The following ADSS2 variants were observed in gnomAD, a reference collection of about 807,000 sequenced individuals.
ADSS2 encodes the protein adenylosuccinate synthetase isozyme 2.
ADSS2 carries 30 observed loss-of-function variants against 60.0 expected under a neutral mutation model. The observed-to-expected ratio is 0.50, with a 90% CI of 0.37 to 0.68. The LOEUF (loss-of-function observed/expected upper bound fraction) is 0.68, where lower values mean the gene tolerates loss of function less well. ADSS2 is among the 30% of genes least tolerant of loss of function. The pLI is 0.00. For missense variants in ADSS2, 373 were observed against 554.8 expected, an observed-to-expected ratio of 0.67 and a Z score of 3.29; for synonymous variants, 187 against 193.1, an observed-to-expected ratio of 0.97 and a Z score of 0.26.
At chr1:244,409,905 A>G (rs1314377073) in intron 12 of ADSS2, among the ~76,000 whole-genome samples, 1 of 152,212 alleles carries the variant, frequency 6.6e-6, no homozygotes, top group African/African-American at 2.4e-5. Context: ...ATAGTAAAAT[A>G]TTGACCAACA....
chr1:244,409,520 A>G lies in ADSS2; in HGVS notation c.*66T>C, dbSNP rs1664362945. On this transcript the variant is annotated 3_prime_UTR_variant, in exon 13 of 13. Coordinates refer to ENST00000366535, the MANE Select transcript of ADSS2 (RefSeq NM_001126.5). ...TTATTCTTGAATTTGCAGGTCATAA[A>G]TGAAATATTTAAGAAAGTCTTTTCC... 3 of 1,286,828 alleles carry G rather than the reference A, an allele frequency of 2.3e-6. No individual in the cohort carries two copies. The highest frequency in any genetic ancestry group is 3.3e-6 in the Non-Finnish European group (3 of 896,130). The allele number at this position is 1,286,828 out of a possible 1,614,324, so 79.7% of individuals were successfully genotyped here.
At chr1:244,421,788 G>A (rs938176655) in intron 7 of ADSS2, among the ~76,000 whole-genome samples, 1 of 152,068 alleles carries the variant, frequency 6.6e-6, no homozygotes, top group African/African-American at 2.4e-5. Context: ...AGACCAGCCT[G>A]GGCAACATGG....
At chr1:244,424,760 G>A (rs1305949600) in intron 4 of ADSS2, 10 of 194,270 alleles carry the variant, frequency 5.1e-5, no homozygotes, top group East Asian at 2.8e-4. Context: ...CACTAGTCTC[G>A]AGCTTCCATC....
chr1:244,424,517 T>C, intron 4 of ADSS2, 130 bp from the exon 5 acceptor site: 3 of 678,196 alleles, frequency 4.4e-6, no homozygotes, highest in Non-Finnish European at 7.5e-6. Flanking sequence ...AACACATTTT[T>C]AGAAGTGATG....
In ADSS2 at chr1:244,451,734, G is replaced by A. The variant is rs1665618114; in HGVS notation, c.84C>T (p.Asn28=). Reference sequence around the variant, plus strand: ...GCGCACCGAGCACCACCGTCACCCGGTTTCCTCCGGGCCGCGCCCTGGGGC... The same window carrying A: ...GCGCACCGAGCACCACCGTCACCCGATTTCCTCCGGGCCGCGCCCTGGGGC... ...CGRPRARPGG[N]RVTVVLGAQW... Residue 28 remains asparagine, a synonymous_variant, in exon 1 of 13, where the codon AAC becomes AAT. Transcript: ENST00000366535. The surrounding 1 kb of genome is among the most constrained non-coding windows in gnomAD (Gnocchi z 6.6). The A allele has an allele frequency of 1.9e-6, 3 of 1,607,990 alleles. No individual in the cohort carries two copies. Among genetic ancestry groups the A allele is most frequent in the Admixed American group, 1.7e-5 (1 of 59,374 alleles).
intron 2 of ADSS2, 103 bp downstream of exon 2, chr1:244,437,563 C>T: frequency 1.2e-6 from 1 of 808,922 alleles, no homozygotes; most frequent in Non-Finnish European, 2.1e-6. Flanking sequence ...GATCAATGAA[C>T]CATCTGGTCA....
chr1:244,409,509 G>A lies in ADSS2; in HGVS notation c.*77C>T, dbSNP rs1572125258. On this transcript the variant is annotated 3_prime_UTR_variant, in exon 13 of 13. Coordinates refer to ENST00000366535, the MANE Select transcript of ADSS2 (RefSeq NM_001126.5). ...CTTCAGTGTCTTTATTCTTGAATTTGCAGGTCATAAATGAAATATTTAAGA... is the reference window on the plus strand; with the variant it reads ...CTTCAGTGTCTTTATTCTTGAATTTACAGGTCATAAATGAAATATTTAAGA... 1.7e-6 allele frequency: 2 copies of A among 1,152,546 alleles called. No individual in the cohort carries two copies. The highest frequency in any genetic ancestry group is 4.8e-5 in the East Asian group (2 of 42,096). The allele number at this position is 1,152,546 out of a possible 1,614,324, so 71.4% of individuals were successfully genotyped here. A position where few individuals can be genotyped will look rare whatever the true frequency, so the allele number is the denominator to read the frequency against.
chr1:244,428,975 AG>A (rs1215964494), intron 4 of ADSS2, among the ~76,000 whole-genome samples: 1 of 152,238 alleles, frequency 6.6e-6, no homozygotes, highest in Non-Finnish European at 1.5e-5. Flanking sequence ...CATAACTTTC[AG>A]AAAAATAGAA....
chr1:244,434,280 C>A (rs945809284), intron 3 of ADSS2, among the ~76,000 whole-genome samples: 16 of 151,676 alleles, frequency 1.1e-4, no homozygotes, highest in African/African-American at 3.9e-4. Flanking sequence ...TGCTTGAGCC[C>A]AGAAGGTAGA....
In ADSS2 at chr1:244,451,590, C is replaced by G. The variant is rs1186866121; in HGVS notation, c.183+45G>C. 1 of 1,560,538 alleles carries G rather than the reference C, an allele frequency of 6.4e-7. No individual in the cohort carries two copies. The highest frequency in any genetic ancestry group is 1.9e-5 in the Admixed American group (1 of 52,984). ...CCCGGGCACCAGGAGCCAGGCAGCC[C>G]GAGCTCCCGGGCCCGGCTTCCCATG... On this transcript the variant is annotated intron_variant, in intron 1 of 12. Coordinates refer to ENST00000366535, the MANE Select transcript of ADSS2 (RefSeq NM_001126.5). The surrounding 1 kb of genome is among the most constrained non-coding windows in gnomAD (Gnocchi z 6.6).
At chr1:244,441,332 A>G (rs1265827996) in intron 1 of ADSS2, among the ~76,000 whole-genome samples, 1 of 152,184 alleles carries the variant, frequency 6.6e-6, no homozygotes, top group Non-Finnish European at 1.5e-5. Flanking sequence ...TGCTGGGATT[A>G]CAGGCGTGAG....
Position 244,418,740 on chromosome 1 carries a change from T to C in ADSS2, c.945+20A>G. Reference sequence around the variant, plus strand: ...ATGAATTTTTAATACATTTTGATTATTTACTTAGAATAGGCTTACATTGTC... The same window carrying C: ...ATGAATTTTTAATACATTTTGATTACTTACTTAGAATAGGCTTACATTGTC... On this transcript the variant is annotated intron_variant, in intron 9 of 12. Coordinates refer to ENST00000366535, the MANE Select transcript of ADSS2 (RefSeq NM_001126.5). 6.4e-7 allele frequency: 1 copy of C among 1,561,694 alleles called. No homozygotes were observed. The highest frequency in any genetic ancestry group is 8.6e-7 in the Non-Finnish European group (1 of 1,158,898).
intron 1 of ADSS2, among the ~76,000 whole-genome samples, chr1:244,443,058 C>G (rs1161355019): frequency 6.6e-6 from 1 of 152,120 alleles, no homozygotes; most frequent in Non-Finnish European, 1.5e-5. Context: ...TAATATGTGC[C>G]AGGATGAGCA....
intron 6 of ADSS2, 55 bp downstream of exon 6, chr1:244,423,897 TA>T: frequency 6.2e-6 from 9 of 1,446,982 alleles, no homozygotes; most frequent in African/African-American, 1.4e-5. Flanking sequence ...CCCTAGATTT[TA>T]AAAAAAATCA....
At chr1:244,428,988 G>A (rs1664869678) in intron 4 of ADSS2, among the ~76,000 whole-genome samples, 1 of 152,060 alleles carries the variant, frequency 6.6e-6, no homozygotes, top group Non-Finnish European at 1.5e-5. Flanking sequence ...AAAATAGAAG[G>A]CACTAAAACT....
chr1:244,434,274 T>G (rs892872617), intron 3 of ADSS2, among the ~76,000 whole-genome samples: 6 of 151,920 alleles, frequency 3.9e-5, no homozygotes, highest in African/African-American at 1.5e-4. Flanking sequence ...GAGGACTGCT[T>G]GAGCCCAGAA....
rs547009704 is a variant in ADSS2 at position 244,413,538 on chromosome 1, G to A, written c.1169-2102C>T. Among the ~76,000 whole-genome samples, 7 of 152,310 alleles carry A rather than the reference G, an allele frequency of 4.6e-5. No homozygotes were observed. In the East Asian group the frequency reaches 1.3e-3, roughly 29 times the overall value. ...AGTTCAGAACACTGGTGTCAGCAGAGAATGGCAGCTCCACTGACCTGGGGA... is the reference window on the plus strand; with the variant it reads ...AGTTCAGAACACTGGTGTCAGCAGAAAATGGCAGCTCCACTGACCTGGGGA... On this transcript the variant is annotated intron_variant, in intron 11 of 12. Coordinates refer to ENST00000366535, the MANE Select transcript of ADSS2 (RefSeq NM_001126.5).
intron 10 of ADSS2, among the ~76,000 whole-genome samples, chr1:244,416,383 A>G (rs1288578211): frequency 6.6e-6 from 1 of 152,102 alleles, no homozygotes; most frequent in Non-Finnish European, 1.5e-5. Context: ...AGTGGCACAA[A>G]CACGGTTCAC....
At chr1:244,441,159 T>C (rs866348013) in intron 1 of ADSS2, among the ~76,000 whole-genome samples, 7 of 151,776 alleles carry the variant, frequency 4.6e-5, no homozygotes, top group East Asian at 1.9e-4. Context: ...CTCGGGTTCA[T>C]GCCATTCTCC....
Sources: gnomAD v4.1 joint callset for allele counts (sites outside exome capture counted in the v4.1 genomes callset) on GRCh38, gnomAD v4.1.1 for gene constraint, Gnocchi (gnomAD v3.1) non-coding constraint, MANE v1.5 for transcripts, NCBI Gene and HGNC (gene_info 2026-07-23, HGNC 2026-07-21) for gene names.